The following PLCB1 variants were observed in gnomAD, a reference collection of about 807,000 sequenced individuals.
The protein encoded by PLCB1 is phospholipase C beta 1, also known as 1-phosphatidylinositol 4,5-bisphosphate phosphodiesterase beta-1.
In PLCB1, 46 loss-of-function variants were observed where a neutral mutation model predicts 161.8. The observed-to-expected ratio is 0.28, with a 90% confidence interval of 0.22 to 0.36. The LOEUF is 0.36. Among genes scored for constraint, PLCB1 ranks in the 10% least tolerant of loss-of-function variants. The pLI is 1.00. For synonymous variants in PLCB1, 517 were observed against 503.7 expected, an observed-to-expected ratio of 1.03 and a Z score of -0.35; for missense variants, 1,016 against 1,472.5, an observed-to-expected ratio of 0.69 and a Z score of 5.07.
chr20:8,292,345 G>C (rs141288821), intron 2 of PLCB1, among the ~76,000 whole-genome samples: 39 of 152,158 alleles, frequency 2.6e-4, no homozygotes, highest in African/African-American at 9.1e-4. Context: ...AAACATATTT[G>C]TTCAAGCACA....
chr20:8,807,815 TTTTTA>T (rs1191018920), intron 31 of PLCB1, among the ~76,000 whole-genome samples: 6 of 152,168 alleles, frequency 3.9e-5, no homozygotes, highest in South Asian at 2.1e-4. Flanking sequence ...GGAGTTGAAT[TTTTTA>T]TTTTATTTTA....
intron 2 of PLCB1, among the ~76,000 whole-genome samples, chr20:8,217,483 C>T (rs921545067): frequency 2.0e-5 from 3 of 152,020 alleles, no homozygotes; most frequent in Non-Finnish European, 4.4e-5. Context: ...ACAGAGGCTT[C>T]CAGGTGGAGA....
chr20:8,433,490 C>T (rs1391722248), intron 3 of PLCB1, among the ~76,000 whole-genome samples: 1 of 147,662 alleles, frequency 6.8e-6, no homozygotes, highest in Non-Finnish European at 1.5e-5. Flanking sequence ...AAAGCCCCTG[C>T]TGTGGAGTGA....
chr20:8,572,418 A>AT (rs1487912812), intron 3 of PLCB1, among the ~76,000 whole-genome samples: 1 of 152,160 alleles, frequency 6.6e-6, no homozygotes, highest in Non-Finnish European at 1.5e-5. Context: ...AATGATTAGG[A>AT]TTATTGGTGT....
chr20:8,428,849 C>G (rs945006184), intron 3 of PLCB1, among the ~76,000 whole-genome samples: 6 of 152,118 alleles, frequency 3.9e-5, no homozygotes, highest in African/African-American at 1.4e-4. Context: ...TAGCATTCTG[C>G]TTGGCATCTC....
chr20:8,229,583 G>A (rs1024951353), intron 2 of PLCB1, among the ~76,000 whole-genome samples: 1 of 152,162 alleles, frequency 6.6e-6, no homozygotes, highest in African/African-American at 2.4e-5. Flanking sequence ...TGTATGGCTA[G>A]TGATAACTAT....
At chr20:8,725,636 C>T (rs1979894660) in intron 16 of PLCB1, among the ~76,000 whole-genome samples, 1 of 152,138 alleles carries the variant, frequency 6.6e-6, no homozygotes, top group Non-Finnish European at 1.5e-5. Context: ...AATGATTTCT[C>T]AACATTGAAT....
chr20:8,294,031 T>A (rs1983511191), intron 2 of PLCB1, among the ~76,000 whole-genome samples: 1 of 152,164 alleles, frequency 6.6e-6, no homozygotes, highest in Non-Finnish European at 1.5e-5. Context: ...GAACATCCAC[T>A]GTGTGCTGGA....
intron 2 of PLCB1, among the ~76,000 whole-genome samples, chr20:8,250,609 A>G (rs180941493): frequency 1.3e-5 from 2 of 152,074 alleles, no homozygotes; most frequent in African/African-American, 4.8e-5. Context: ...AAGCATACCT[A>G]CAAAAGTTCC....
chr20:8,629,841 C>CT (rs1368536756), intron 4 of PLCB1, among the ~76,000 whole-genome samples: 1 of 92,242 alleles, frequency 1.1e-5, no homozygotes, highest in East Asian at 2.5e-4. Flanking sequence ...TTCTTTCTTT[C>CT]TTTCTTTCTT....
chr20:8,628,932 C>CAA (rs540325935), intron 4 of PLCB1, among the ~76,000 whole-genome samples: 3 of 144,432 alleles, frequency 2.1e-5, no homozygotes, highest in Non-Finnish European at 4.6e-5. Flanking sequence ...GACTGTATCT[C>CAA]AAAAAAAAAA....
chr20:8,658,615 T>C lies in PLCB1; in HGVS notation c.773T>C (p.Leu258Pro). ...FINLKQRDPRLNEILYPPLKQ... is the reference protein window; with the variant it reads ...FINLKQRDPRPNEILYPPLKQ... ...AACCTTAAGCAGCGAGATCCTCGGC[T>C]TAATGAAATACTTTATCCACCTCTA... Residue 258 changes from leucine to proline, a missense_variant, in exon 9 of 32, where the codon CTT becomes CCT. Leu to Pro is a moderately conservative substitution (Grantham distance 98, BLOSUM62 -3). Transcript: ENST00000338037. 1 of 1,613,140 alleles carries C rather than the reference T, an allele frequency of 6.2e-7. No homozygotes were observed. Among genetic ancestry groups the C allele is most frequent in the Non-Finnish European group, 8.5e-7 (1 of 1,179,368 alleles).
At chr20:8,756,121 T>G (rs978272057) in intron 23 of PLCB1, among the ~76,000 whole-genome samples, 96 of 152,330 alleles carry the variant, frequency 6.3e-4, no homozygotes, top group African/African-American at 2.2e-3. Flanking sequence ...TGTTTTAATA[T>G]AAGGGACTCC....
intron 14 of PLCB1, among the ~76,000 whole-genome samples, chr20:8,721,949 TAGTA>T (rs202083956): frequency 6.6e-6 from 1 of 150,670 alleles, no homozygotes; most frequent in African/African-American, 2.5e-5. Context: ...GAGGGATAGA[TAGTA>T]TATCTGTTTT....
At chr20:8,417,814 A>AT (rs1979368546) in intron 3 of PLCB1, among the ~76,000 whole-genome samples, 1 of 152,212 alleles carries the variant, frequency 6.6e-6, no homozygotes, top group Admixed American at 6.5e-5. Flanking sequence ...CCAAATGTCC[A>AT]TCTTGTACTT....
At chr20:8,492,444 G>T (rs1982985461) in intron 3 of PLCB1, among the ~76,000 whole-genome samples, 1 of 152,026 alleles carries the variant, frequency 6.6e-6, no homozygotes, top group South Asian at 2.1e-4. Context: ...TTATGGGTAT[G>T]TTTGGTATAA....
intron 17 of PLCB1, among the ~76,000 whole-genome samples, chr20:8,727,974 T>C (rs1371019730): frequency 1.3e-5 from 2 of 152,102 alleles, no homozygotes; most frequent in Admixed American, 6.6e-5. Context: ...TTAAATTTCT[T>C]TCATAAAATT....
intron 12 of PLCB1, among the ~76,000 whole-genome samples, chr20:8,711,213 C>G (rs1978995901): frequency 6.6e-6 from 1 of 152,184 alleles, no homozygotes; most frequent in African/African-American, 2.4e-5. Flanking sequence ...CAACACATCT[C>G]CTACGCCTAA....
intron 2 of PLCB1, among the ~76,000 whole-genome samples, chr20:8,191,572 A>T (rs1341499259): frequency 2.0e-5 from 3 of 152,008 alleles, no homozygotes; most frequent in South Asian, 4.1e-4. Context: ...ACTACTATCC[A>T]GTTGTGGTGT....
Sources: allele counts gnomAD v4.1 joint callset (sites outside exome capture counted in the v4.1 genomes callset), GRCh38; gene constraint gnomAD v4.1.1; transcripts MANE v1.5; gene names NCBI Gene and HGNC (gene_info 2026-07-23, HGNC 2026-07-21).